Variants in PLCB4 observed in about 807,000 individuals in gnomAD.
PLCB4 encodes 1-phosphatidylinositol 4,5-bisphosphate phosphodiesterase beta-4.
Under a neutral mutation model 178.8 loss-of-function variants are expected in PLCB4, and 77 were observed. That is an observed-to-expected ratio of 0.43 (90% CI 0.36 to 0.52). The LOEUF (loss-of-function observed/expected upper bound fraction) is 0.52, where lower values mean the gene tolerates loss of function less well. Ranked by LOEUF, PLCB4 falls within the 20% of genes least tolerant of loss-of-function variation. The pLI is 0.00. For synonymous variants in PLCB4, 496 were observed against 490.8 expected, an observed-to-expected ratio of 1.01 and a Z score of -0.14; for missense variants, 1,024 against 1,453.4, an observed-to-expected ratio of 0.70 and a Z score of 4.80.
At chr20:9,434,529 C>T (rs1418936492) in intron 28 of PLCB4, among the ~76,000 whole-genome samples, 3 of 152,110 alleles carry the variant, frequency 2.0e-5, no homozygotes, top group African/African-American at 7.2e-5. Context: ...GCATGCGCCA[C>T]CAAGCCCAGC....
At chr20:9,401,952 C>A (rs2039060107) in intron 20 of PLCB4, among the ~76,000 whole-genome samples, 1 of 152,042 alleles carries the variant, frequency 6.6e-6, no homozygotes, top group South Asian at 2.1e-4. Flanking sequence ...CGAGTCTAGC[C>A]CTCATTTGAG....
chr20:9,444,259 G>T lies in PLCB4; in HGVS notation c.2880+16G>T. 6.7e-7 allele frequency: 1 copy of T among 1,494,016 alleles called. No individual in the cohort carries two copies. The highest frequency in any genetic ancestry group is 9.3e-7 in the Non-Finnish European group (1 of 1,076,944). The allele number at this position is 1,494,016 out of a possible 1,614,324, so 92.5% of individuals were successfully genotyped here. A position where few individuals can be genotyped will look rare whatever the true frequency, so the allele number is the denominator to read the frequency against. ...ACATGCAAAGGTACAGTGCTCTACA[G>T]CTACTATTTTGTGTTATGTATGGAT... On this transcript the variant is annotated intron_variant, in intron 32 of 39. Transcript: ENST00000378473.
chr20:9,349,804 A>G (rs1405832843), intron 7 of PLCB4, among the ~76,000 whole-genome samples: 1 of 152,202 alleles, frequency 6.6e-6, no homozygotes, highest in Non-Finnish European at 1.5e-5. Flanking sequence ...AATGTCACTG[A>G]CTTTAAATTG....
At chr20:9,253,773 C>T (rs1025091496) in intron 3 of PLCB4, among the ~76,000 whole-genome samples, 1 of 152,146 alleles carries the variant, frequency 6.6e-6, no homozygotes, top group African/African-American at 2.4e-5. Flanking sequence ...GTTCACTTCC[C>T]AGGTTTCCTG....
intron 4 of PLCB4, among the ~76,000 whole-genome samples, chr20:9,311,712 A>C (rs2086183658): frequency 6.6e-6 from 1 of 152,138 alleles, no homozygotes; most frequent in South Asian, 2.1e-4. Context: ...TCTCCTACTC[A>C]GACTCTCCTG....
At chr20:9,107,217 T>C (rs2091399260) in intron 2 of PLCB4, among the ~76,000 whole-genome samples, 1 of 152,192 alleles carries the variant, frequency 6.6e-6, no homozygotes, top group Non-Finnish European at 1.5e-5. Flanking sequence ...TTATGGATTA[T>C]ACTCTTATGT....
intron 1 of PLCB4, among the ~76,000 whole-genome samples, chr20:9,081,483 T>G (rs1419286189): frequency 6.6e-6 from 1 of 152,182 alleles, no homozygotes; most frequent in African/African-American, 2.4e-5. Context: ...CTCAATCCCC[T>G]TCTTCAACTG....
intron 32 of PLCB4, among the ~76,000 whole-genome samples, chr20:9,449,310 G>A (rs1305546416): frequency 6.6e-6 from 1 of 152,096 alleles, no homozygotes; most frequent in Non-Finnish European, 1.5e-5. Context: ...CCCAAAGTTG[G>A]ATACATATCT....
intron 4 of PLCB4, among the ~76,000 whole-genome samples, chr20:9,316,948 T>C (rs1346162107): frequency 6.6e-6 from 1 of 152,174 alleles, no homozygotes; most frequent in Non-Finnish European, 1.5e-5. Flanking sequence ...GAAAGGTCTG[T>C]ATTGTAGGTC....
chr20:9,373,416 T>A (rs143697128), intron 12 of PLCB4, among the ~76,000 whole-genome samples: 1 of 152,256 alleles, frequency 6.6e-6, no homozygotes, highest in African/African-American at 2.4e-5. Flanking sequence ...CAAGATGATA[T>A]TTAAGGTACT....
intron 1 of PLCB4, among the ~76,000 whole-genome samples, chr20:9,081,388 A>G (rs942283415): frequency 6.6e-6 from 1 of 152,212 alleles, no homozygotes; most frequent in Non-Finnish European, 1.5e-5. Context: ...CTTTATTTGC[A>G]TCACCTATAC....
chr20:9,135,656 G>T (rs568138187), intron 2 of PLCB4, among the ~76,000 whole-genome samples: 6 of 152,162 alleles, frequency 3.9e-5, no homozygotes, highest in Admixed American at 3.9e-4. Context: ...GTTTTAAAAT[G>T]ATTGGTTATA....
intron 2 of PLCB4, among the ~76,000 whole-genome samples, chr20:9,097,253 T>TC (rs2090951992): frequency 6.7e-6 from 1 of 148,746 alleles, no homozygotes; most frequent in Non-Finnish European, 1.5e-5. Context: ...TTTTTTTTTT[T>TC]GGTTTTTATC....
intron 32 of PLCB4, 43 bp from the exon 33 acceptor site, chr20:9,453,304 A>G: frequency 8.8e-7 from 1 of 1,135,598 alleles, no homozygotes; most frequent in Non-Finnish European, 1.3e-6. Flanking sequence ...GGTGTGAGCC[A>G]TGCTAAGAGT....
intron 28 of PLCB4, among the ~76,000 whole-genome samples, chr20:9,431,442 C>T (rs141153000): frequency 1.7e-3 from 258 of 152,072 alleles, no homozygotes; most frequent in Middle Eastern, 3.4e-3. Context: ...ACCTACTCCA[C>T]CCTCTTAATT....
intron 28 of PLCB4, among the ~76,000 whole-genome samples, chr20:9,427,564 C>T (rs748897494): frequency 3.3e-5 from 5 of 152,102 alleles, no homozygotes; most frequent in Admixed American, 6.5e-5. Flanking sequence ...AATGAGACTC[C>T]GAGTGCTGGG....
At chr20:9,381,265 T>A (rs1477931167) in intron 13 of PLCB4, among the ~76,000 whole-genome samples, 2 of 152,164 alleles carry the variant, frequency 1.3e-5, no homozygotes, top group Non-Finnish European at 2.9e-5. Flanking sequence ...GGAGGTGATA[T>A]GATTCTTGTC....
At chr20:9,309,959 TA>T (rs1371180748) in intron 4 of PLCB4, among the ~76,000 whole-genome samples, 1 of 152,244 alleles carries the variant, frequency 6.6e-6, no homozygotes. Flanking sequence ...AAATAAAATG[TA>T]ACTAAGCTTT....
intron 3 of PLCB4, among the ~76,000 whole-genome samples, chr20:9,231,631 G>A (rs1039521258): frequency 2.6e-5 from 4 of 152,062 alleles, no homozygotes; most frequent in Non-Finnish European, 5.9e-5. Flanking sequence ...CATTTTATAG[G>A]GCAGAGAGAG....
Sources: gnomAD v4.1 joint callset for allele counts (sites outside exome capture counted in the v4.1 genomes callset) on GRCh38, gnomAD v4.1.1 for gene constraint, MANE v1.5 for transcripts, NCBI Gene and HGNC (gene_info 2026-07-23, HGNC 2026-07-21) for gene names.